Variants in LRFN2 observed in about 807,000 individuals in gnomAD.
LRFN2 encodes the protein leucine rich repeat and fibronectin type III domain containing 2.
LRFN2 carries 18 observed loss-of-function variants against 37.3 expected under a neutral mutation model. That is an observed-to-expected ratio of 0.48 (90% CI 0.33 to 0.72). LRFN2 has a LOEUF of 0.72. LRFN2 is among the 30% of genes least tolerant of loss of function. LRFN2 has a pLI of 0.02. For synonymous variants in LRFN2, 556 were observed against 466.6 expected (o/e 1.19, Z -2.47); for missense variants, 1,006 against 1,060.7 (o/e 0.95, Z 0.72).
chr6:40,440,300 G>A (rs1322087203), intron 1 of LRFN2, among the ~76,000 whole-genome samples: 1 of 152,128 alleles, frequency 6.6e-6, no homozygotes, highest in Admixed American at 6.5e-5. Flanking sequence ...CTCCGTATTA[G>A]CACGTCCGTG....
rs548517088 is a variant in LRFN2, at chr6:40,557,895, T to G, written c.-19+29046A>C. On this transcript the variant is annotated intron_variant, in intron 1 of 2. Transcript: ENST00000338305. ...CTATGGGAGTGATTATTTTTATTGT[T>G]GATAATGATGATGTTATTTCATTGC... is the stretch of plus-strand genomic sequence containing the variant. Among the ~76,000 whole-genome samples the G allele has an allele frequency of 2.6e-5, 4 of 152,362 alleles. No homozygotes were observed. The South Asian group carries it at 8.3e-4, about 32-fold the overall frequency.
intron 1 of LRFN2, among the ~76,000 whole-genome samples, chr6:40,467,116 G>A (rs1296602063): frequency 6.6e-6 from 1 of 151,996 alleles, no homozygotes; most frequent in Non-Finnish European, 1.5e-5. Context: ...TTTTGTTTTG[G>A]TAGACCTAGC....
chr6:40,484,740 T>G (rs1035386793), intron 1 of LRFN2, among the ~76,000 whole-genome samples: 1 of 152,206 alleles, frequency 6.6e-6, no homozygotes, highest in African/African-American at 2.4e-5. Context: ...GCTAAGTCCA[T>G]GAGCTCAGAG....
At chr6:40,418,805 A>T (rs1425094520) in intron 2 of LRFN2, among the ~76,000 whole-genome samples, 1 of 152,230 alleles carries the variant, frequency 6.6e-6, no homozygotes, top group Non-Finnish European at 1.5e-5. Flanking sequence ...GAAAACATGC[A>T]GAACAGCTTT....
chr6:40,429,661 C>G (rs1158978446), intron 2 of LRFN2, among the ~76,000 whole-genome samples: 1 of 152,052 alleles, frequency 6.6e-6, no homozygotes, highest in African/African-American at 2.4e-5. Flanking sequence ...ATAATTTACC[C>G]ATAAACCAGT....
At chr6:40,533,402 C>CAT (rs1766387835) in intron 1 of LRFN2, among the ~76,000 whole-genome samples, 1 of 151,796 alleles carries the variant, frequency 6.6e-6, no homozygotes, top group Admixed American at 6.6e-5. Flanking sequence ...CACACACACA[C>CAT]ACACACACAC....
chr6:40,393,042 CG>C (rs1426546836), intron 2 of LRFN2, 130 bp from the exon 3 acceptor site: 2 of 617,182 alleles, frequency 3.2e-6, no homozygotes, highest in East Asian at 6.4e-5. Context: ...AAGACAGACA[CG>C]GGGACACAGA....
In LRFN2 at chr6:40,391,830, G is replaced by A. The variant is rs940375632; in HGVS notation, c.*113C>T. On this transcript the variant is annotated 3_prime_UTR_variant, in exon 3 of 3. Transcript: ENST00000338305. ...GACACGAGGCCATTGACAGGGAGACGAAACTGTCCCTGGATGTAAACATCA... is the reference window on the plus strand; with the variant it reads ...GACACGAGGCCATTGACAGGGAGACAAAACTGTCCCTGGATGTAAACATCA... 7.6e-6 allele frequency: 9 copies of A among 1,178,408 alleles called. No homozygotes were observed. Among genetic ancestry groups the A allele is most frequent in the Non-Finnish European group, 4.6e-6 (4 of 869,506 alleles). 73.0% of individuals were successfully genotyped at this position (1,178,408 alleles called of 1,614,324 possible).
At chr6:40,555,589 A>G (rs1157994419) in intron 1 of LRFN2, among the ~76,000 whole-genome samples, 1 of 152,128 alleles carries the variant, frequency 6.6e-6, no homozygotes, top group Non-Finnish European at 1.5e-5. Context: ...GCCTCCTGGA[A>G]TTGTGAGATA....
chr6:40,498,985 C>T (rs896912306), intron 1 of LRFN2, among the ~76,000 whole-genome samples: 2 of 152,198 alleles, frequency 1.3e-5, no homozygotes, highest in African/African-American at 4.8e-5. Context: ...GGCACACTCC[C>T]AAACACAGGC....
chr6:40,434,185 C>T (rs1763586091), intron 1 of LRFN2, among the ~76,000 whole-genome samples: 1 of 152,224 alleles, frequency 6.6e-6, no homozygotes, highest in African/African-American at 2.4e-5. Context: ...TTTTCATTCA[C>T]CACTGCATGC....
intron 1 of LRFN2, among the ~76,000 whole-genome samples, chr6:40,549,676 C>A (rs919185467): frequency 5.3e-5 from 8 of 152,132 alleles, no homozygotes; most frequent in African/African-American, 1.9e-4. Context: ...TGGTGGGAAC[C>A]ACAGTGAAAC....
chr6:40,466,597 T>C (rs1764473155), intron 1 of LRFN2, among the ~76,000 whole-genome samples: 1 of 152,156 alleles, frequency 6.6e-6, no homozygotes, highest in Admixed American at 6.5e-5. Flanking sequence ...AGGACAAAGA[T>C]ACAGCATCCT....
In LRFN2 at chr6:40,541,118, T is replaced by C. The variant is rs143134308; in HGVS notation, c.-19+45823A>G. On this transcript the variant is annotated intron_variant, in intron 1 of 2. Coordinates refer to ENST00000338305, the MANE Select transcript of LRFN2 (RefSeq NM_020737.3). Reference sequence around the variant, plus strand: ...ATTCTGCCGCAGCATCCCACATCACTGGTACAACCATCAGATCCTGACTCC... The same window carrying C: ...ATTCTGCCGCAGCATCCCACATCACCGGTACAACCATCAGATCCTGACTCC... Among the ~76,000 whole-genome samples, 6 of 152,268 alleles carry C rather than the reference T, an allele frequency of 3.9e-5. No homozygotes were observed. In the East Asian group the frequency reaches 9.7e-4, roughly 25 times the overall value.
intron 1 of LRFN2, among the ~76,000 whole-genome samples, chr6:40,492,656 T>C (rs1423818914): frequency 6.6e-6 from 1 of 152,164 alleles, no homozygotes; most frequent in East Asian, 1.9e-4. Context: ...GCAACAGCCC[T>C]GTTCTCAGGG....
At chr6:40,505,354 G>A (rs1765504307) in intron 1 of LRFN2, among the ~76,000 whole-genome samples, 1 of 152,102 alleles carries the variant, frequency 6.6e-6, no homozygotes, top group African/African-American at 2.4e-5. Context: ...ATATCCTAAT[G>A]GCACCCAGAG....
chr6:40,409,778 C>T (rs9471338), intron 2 of LRFN2, among the ~76,000 whole-genome samples: 10,088 of 152,150 alleles, frequency 0.066, 1,006 homozygotes, highest in African/African-American at 0.22. Flanking sequence ...AATGAGTGAC[C>T]GAGAAACTTA....
chr6:40,494,640 T>A lies in LRFN2; in HGVS notation c.-18-61509A>T, dbSNP rs1432497423. On this transcript the variant is annotated intron_variant, in intron 1 of 2. Coordinates refer to ENST00000338305, the MANE Select transcript of LRFN2 (RefSeq NM_020737.3). ...AGGCCCCTTAGTCCATTGTCCCTCT[T>A]AGCACCAAGGACCTCATCCTTCTCT... Among the ~76,000 whole-genome samples, 4 of 152,162 alleles carry A rather than the reference T, an allele frequency of 2.6e-5. No homozygotes were observed. The East Asian group carries it at 7.7e-4, about 29-fold the overall frequency.
chr6:40,445,677 A>T (rs1362515071), intron 1 of LRFN2, among the ~76,000 whole-genome samples: 1 of 152,192 alleles, frequency 6.6e-6, no homozygotes, highest in African/African-American at 2.4e-5. Flanking sequence ...CCGGCTTGAG[A>T]AGTGCTGGCT....
Sources: gnomAD v4.1 joint callset for allele counts (sites outside exome capture counted in the v4.1 genomes callset) on GRCh38, gnomAD v4.1.1 for gene constraint, MANE v1.5 for transcripts, NCBI Gene and HGNC (gene_info 2026-07-23, HGNC 2026-07-21) for gene names.